KCNAB1: variants seen among roughly 807,000 people sequenced by gnomAD.
KCNAB1 encodes the protein voltage-gated potassium channel subunit beta-1.
A neutral mutation model predicts 64.6 loss-of-function variants in KCNAB1; 35 were observed. The observed-to-expected ratio is 0.54, with a 90% CI of 0.41 to 0.72. The LOEUF (loss-of-function observed/expected upper bound fraction) is 0.72, where lower values mean the gene tolerates loss of function less well. Ranked by LOEUF, KCNAB1 falls within the 30% of genes least tolerant of loss-of-function variation. The pLI is 0.00. For synonymous variants in KCNAB1, 177 were observed against 183.8 expected, an observed-to-expected ratio of 0.96 and a Z score of 0.30; for missense variants, 401 against 512.9, an observed-to-expected ratio of 0.78 and a Z score of 2.11.
At chr3:156,277,836 T>G (rs1160397024) in intron 1 of KCNAB1, among the ~76,000 whole-genome samples, 2 of 152,148 alleles carry the variant, frequency 1.3e-5, no homozygotes, top group African/African-American at 4.8e-5. Context: ...TTTTCCATAG[T>G]TGGGCGTACT....
intron 1 of KCNAB1, among the ~76,000 whole-genome samples, chr3:156,375,980 C>A (rs188791230): frequency 3.5e-4 from 53 of 152,268 alleles, no homozygotes; most frequent in Non-Finnish European, 6.2e-4. Context: ...CCAACATGCC[C>A]GCCTAATTTT....
intron 1 of KCNAB1, among the ~76,000 whole-genome samples, chr3:156,281,608 A>G (rs376832813): frequency 6.6e-6 from 1 of 151,946 alleles, no homozygotes; most frequent in Non-Finnish European, 1.5e-5. Context: ...ACTCTTTTTG[A>G]TTGGTAAGCT....
intron 1 of KCNAB1, among the ~76,000 whole-genome samples, chr3:156,388,129 C>T (rs540814920): frequency 1.3e-5 from 2 of 152,292 alleles, no homozygotes; most frequent in African/African-American, 2.4e-5. Flanking sequence ...GGAGGCATCA[C>T]GGATCACCTG....
rs1279716330 is a variant in KCNAB1 at position 156,218,148 on chromosome 3, G to C, written c.275+97262G>C. Reference sequence around the variant, plus strand: ...CTGCCAGACTCGGTGCTGTTGTGGGGACATGGTGGGAATGAGACCGGCCTT... The same window carrying C: ...CTGCCAGACTCGGTGCTGTTGTGGGCACATGGTGGGAATGAGACCGGCCTT... On this transcript the variant is annotated intron_variant, in intron 1 of 13. Transcript: ENST00000490337. 4 of 152,428 alleles carry C rather than the reference G, an allele frequency of 2.6e-5. No homozygotes were observed. In the East Asian group the frequency reaches 5.8e-4, roughly 22 times the overall value. The allele number at this position is 152,428 out of a possible 1,614,324, so 9.4% of individuals were successfully genotyped here.
At chr3:156,222,407 T>C (rs1191367033) in intron 1 of KCNAB1, among the ~76,000 whole-genome samples, 1 of 152,132 alleles carries the variant, frequency 6.6e-6, no homozygotes, top group African/African-American at 2.4e-5. Context: ...CATCTAACAC[T>C]GGAGCTCCCA....
chr3:156,432,690 C>A (rs968253195), intron 2 of KCNAB1, among the ~76,000 whole-genome samples: 3 of 152,164 alleles, frequency 2.0e-5, no homozygotes, highest in Non-Finnish European at 4.4e-5. Context: ...TCTTCATAGT[C>A]TCTTACTTTG....
chr3:156,534,767 G>A (rs1001340239), intron 13 of KCNAB1, among the ~76,000 whole-genome samples: 1 of 152,142 alleles, frequency 6.6e-6, no homozygotes, highest in Non-Finnish European at 1.5e-5. Flanking sequence ...ACCTATCCCA[G>A]GCAGTGTAAC....
chr3:156,448,269 C>T (rs191670403), intron 2 of KCNAB1, among the ~76,000 whole-genome samples: 3 of 152,260 alleles, frequency 2.0e-5, no homozygotes, highest in Admixed American at 1.3e-4. Flanking sequence ...TGAGATTACA[C>T]AGTGAAATAA....
intron 7 of KCNAB1, among the ~76,000 whole-genome samples, chr3:156,466,141 C>A (rs940536492): frequency 6.6e-6 from 1 of 152,080 alleles, no homozygotes; most frequent in Non-Finnish European, 1.5e-5. Context: ...ATCACCTCCT[C>A]ACCCCCTCCC....
chr3:156,525,022 A>G (rs1718217526), intron 12 of KCNAB1, among the ~76,000 whole-genome samples: 1 of 152,178 alleles, frequency 6.6e-6, no homozygotes, highest in South Asian at 2.1e-4. Context: ...GTAATATAAA[A>G]GTCTAGCACA....
intron 1 of KCNAB1, 119 bp from the exon 2 acceptor site, chr3:156,421,497 G>A: frequency 1.1e-6 from 1 of 934,420 alleles, no homozygotes; most frequent in South Asian, 1.7e-5. Flanking sequence ...GGCATCTGTG[G>A]TTCTGCCTCT....
At chr3:156,474,133 G>T (rs940437648) in intron 7 of KCNAB1, among the ~76,000 whole-genome samples, 1 of 152,150 alleles carries the variant, frequency 6.6e-6, no homozygotes, top group South Asian at 2.1e-4. Flanking sequence ...GAGAATAATA[G>T]AAATGGTAGA....
chr3:156,197,646 C>T (rs1714041617), intron 1 of KCNAB1, among the ~76,000 whole-genome samples: 1 of 151,966 alleles, frequency 6.6e-6, no homozygotes, highest in Non-Finnish European at 1.5e-5. Flanking sequence ...TGGTGATATC[C>T]CCTTTATCAT....
At chr3:156,291,152 C>T (rs1248639518) in intron 1 of KCNAB1, 4 of 985,428 alleles carry the variant, frequency 4.1e-6, no homozygotes, top group Admixed American at 6.1e-5. Flanking sequence ...TCTTTGCCTT[C>T]CCATCGCACA....
chr3:156,362,383 C>T (rs781484401), intron 1 of KCNAB1, among the ~76,000 whole-genome samples: 6 of 152,208 alleles, frequency 3.9e-5, no homozygotes, highest in Admixed American at 1.3e-4. Context: ...ACTTGATCAA[C>T]ATCTGATTAA....
intron 1 of KCNAB1, among the ~76,000 whole-genome samples, chr3:156,162,219 A>G (rs1716124269): frequency 6.6e-6 from 1 of 151,854 alleles, no homozygotes; most frequent in Non-Finnish European, 1.5e-5. Context: ...GCCAAATTGA[A>G]TAGAAAGAGT....
chr3:156,301,833 C>T (rs963377809), intron 1 of KCNAB1, among the ~76,000 whole-genome samples: 18 of 152,142 alleles, frequency 1.2e-4, no homozygotes, highest in Admixed American at 2.6e-4. Context: ...CAGGACCTTC[C>T]GTGGGTTCTG....
intron 1 of KCNAB1, among the ~76,000 whole-genome samples, chr3:156,229,476 G>C (rs1282924813): frequency 6.6e-6 from 1 of 152,182 alleles, no homozygotes; most frequent in Non-Finnish European, 1.5e-5. Flanking sequence ...TTTGGGCAGG[G>C]ACACAAATTT....
chr3:156,503,408 A>G (rs1716588160), intron 8 of KCNAB1, among the ~76,000 whole-genome samples: 1 of 152,190 alleles, frequency 6.6e-6, no homozygotes, highest in South Asian at 2.1e-4. Flanking sequence ...TGTAAGATGA[A>G]CAACTGCTGT....
Sources: allele counts gnomAD v4.1 joint callset (sites outside exome capture counted in the v4.1 genomes callset), GRCh38; gene constraint gnomAD v4.1.1; transcripts MANE v1.5; gene names NCBI Gene and HGNC (gene_info 2026-07-23, HGNC 2026-07-21).